Variants in COL24A1 observed in about 807,000 individuals in gnomAD.
COL24A1 encodes collagen type XXIV alpha 1 chain.
Under a neutral mutation model 253.9 loss-of-function variants are expected in COL24A1, and 224 were observed. The ratio of observed to expected loss-of-function variants is 0.88; its 90% CI spans 0.79 to 0.99. The LOEUF (loss-of-function observed/expected upper bound fraction) is 0.99, where lower values mean the gene tolerates loss of function less well. Ranked by LOEUF, COL24A1 falls within the 50% of genes least tolerant of loss-of-function variation. COL24A1 has a pLI of 0.00. For missense variants in COL24A1, 2,131 were observed against 2,068.5 expected, an observed-to-expected ratio of 1.03 and a Z score of -0.59; for synonymous variants, 685 against 673.7, an observed-to-expected ratio of 1.02 and a Z score of -0.26.
rs746423693 is a variant in COL24A1, at chr1:85,734,956, A to G, written c.4791T>C (p.Phe1597=). Residue 1597 remains phenylalanine, a synonymous_variant, in exon 59 of 60, where the codon TTT becomes TTC. Transcript: ENST00000370571. ...LPPVSVTKLE[F]GVGKVQMNFL... Reference sequence around the variant, plus strand: ...AGTTCATCTGGACTTTCCCAACTCCAAACTCCAACTAATGTCATAGAAATG... The same window carrying G: ...AGTTCATCTGGACTTTCCCAACTCCGAACTCCAACTAATGTCATAGAAATG... The G allele has an allele frequency of 1.7e-5, 28 of 1,614,008 alleles. No individual in the cohort carries two copies. In the East Asian group the frequency reaches 6.0e-4, roughly 35 times the overall value.
chr1:86,008,076 C>T (rs1323638306), intron 19 of COL24A1, among the ~76,000 whole-genome samples: 3 of 151,894 alleles, frequency 2.0e-5, no homozygotes, highest in African/African-American at 7.3e-5. Context: ...TTCAAGAATG[C>T]AAGTTGAGAC....
At chr1:86,005,786 C>CATGACATGTCA (rs1695895238) in intron 19 of COL24A1, among the ~76,000 whole-genome samples, 1 of 152,012 alleles carries the variant, frequency 6.6e-6, no homozygotes, top group Non-Finnish European at 1.5e-5. Flanking sequence ...GCCTTTGTCA[C>CATGACATGTCA]AGATGACATG....
chr1:86,048,124 A>G (rs924164547), intron 11 of COL24A1, among the ~76,000 whole-genome samples: 7 of 151,990 alleles, frequency 4.6e-5, no homozygotes, highest in Non-Finnish European at 1.0e-4. Context: ...TAGCCTCCCT[A>G]AATCTCATCA....
At chr1:86,057,609 T>G (rs1479175685) in intron 10 of COL24A1, among the ~76,000 whole-genome samples, 2 of 152,182 alleles carry the variant, frequency 1.3e-5, no homozygotes, top group African/African-American at 2.4e-5. Context: ...TCTTTACCTC[T>G]TCATATTTTT....
At chr1:85,783,623 A>G in intron 50 of COL24A1, 65 bp from the exon 51 acceptor site, 2 of 1,361,656 alleles carry the variant, frequency 1.5e-6, no homozygotes, top group African/African-American at 1.4e-5. Context: ...TTACAAAACT[A>G]TATAAATCTA....
chr1:86,058,187 A>G (rs1426085045), intron 9 of COL24A1, among the ~76,000 whole-genome samples: 2 of 152,104 alleles, frequency 1.3e-5, no homozygotes, highest in Non-Finnish European at 2.9e-5. Context: ...AATATATTTT[A>G]GATATATAAA....
chr1:85,795,178 G>A (rs1558153093), intron 47 of COL24A1, among the ~76,000 whole-genome samples: 1 of 152,168 alleles, frequency 6.6e-6, no homozygotes, highest in Non-Finnish European at 1.5e-5. Flanking sequence ...TTCCCTCTGG[G>A]AAAAGGAAGA....
intron 19 of COL24A1, among the ~76,000 whole-genome samples, chr1:86,014,300 T>C (rs1559008802): frequency 6.6e-6 from 1 of 152,232 alleles, no homozygotes; most frequent in Non-Finnish European, 1.5e-5. Context: ...AAATTTATTT[T>C]ACTGACTTTT....
chr1:85,791,288 G>C (rs1670247459), intron 47 of COL24A1, among the ~76,000 whole-genome samples: 1 of 152,050 alleles, frequency 6.6e-6, no homozygotes, highest in Non-Finnish European at 1.5e-5. Flanking sequence ...TGCTGAGATG[G>C]AAGAATTGTA....
At chr1:85,944,202 C>T (rs572449764) in intron 24 of COL24A1, among the ~76,000 whole-genome samples, 1 of 152,288 alleles carries the variant, frequency 6.6e-6, no homozygotes, top group South Asian at 2.1e-4. Context: ...CAGATGAGTG[C>T]AGTTATAAAG....
At chr1:85,985,102 C>G (rs1465590454) in intron 20 of COL24A1, among the ~76,000 whole-genome samples, 1 of 151,650 alleles carries the variant, frequency 6.6e-6, no homozygotes, top group Non-Finnish European at 1.5e-5. Flanking sequence ...ATAAGCACAT[C>G]AGAAGTTATA....
chr1:86,011,342 G>A (rs1330774320), intron 19 of COL24A1, among the ~76,000 whole-genome samples: 3 of 152,068 alleles, frequency 2.0e-5, no homozygotes, highest in Non-Finnish European at 2.9e-5. Context: ...TAATTACTCG[G>A]TGGAAATAAT....
At chr1:85,950,833 G>GA (rs1270272708) in intron 24 of COL24A1, among the ~76,000 whole-genome samples, 1 of 151,988 alleles carries the variant, frequency 6.6e-6, no homozygotes, top group Non-Finnish European at 1.5e-5. Context: ...TTGACTTGTA[G>GA]AAAAAAAAGT....
intron 39 of COL24A1, among the ~76,000 whole-genome samples, chr1:85,843,608 GAA>G (rs541945287): frequency 2.6e-5 from 4 of 152,190 alleles, no homozygotes; most frequent in African/African-American, 9.6e-5. Context: ...AATATGCAAA[GAA>G]AAAAATCATT....
rs773199435 is a variant in COL24A1 at position 85,744,772 on chromosome 1, G to A, written c.4566C>T (p.Asn1522=). The change falls in exon 57 of 60, where the codon AAC becomes AAT. Residue 1522 remains asparagine (N), a synonymous_variant. Transcript: ENST00000370571. ...DHSEEIFKTL[N]YLSNLLHSIK... ...TGCTGTGCAATAAATTGCTAAGGTA[G>A]TTCAGGGTTTTGAATATCTCTTCAC... 4 of 1,610,068 alleles carry A rather than the reference G, an allele frequency of 2.5e-6. No individual in the cohort carries two copies. Among genetic ancestry groups the A allele is most frequent in the Non-Finnish European group, 1.7e-6 (2 of 1,178,762 alleles).
Position 86,022,951 on chromosome 1 carries a change from T to C in COL24A1, c.2103+3A>G. On this transcript the variant is annotated splice_donor_region_variant and intron_variant, in intron 15 of 59. Transcript: ENST00000370571. ...AATATCCATTATACAAATAGAACCA[T>C]ACCATTGGGCCAGGAATTCCAGCAG... is the stretch of plus-strand genomic sequence containing the variant. 3.7e-6 allele frequency: 6 copies of C among 1,613,188 alleles called. No individual in the cohort carries two copies. Among genetic ancestry groups the C allele is most frequent in the Non-Finnish European group, 5.1e-6 (6 of 1,179,474 alleles).
chr1:85,898,049 G>A (rs1041812799), intron 28 of COL24A1, among the ~76,000 whole-genome samples: 4 of 152,158 alleles, frequency 2.6e-5, no homozygotes, highest in Non-Finnish European at 4.4e-5. Flanking sequence ...GAATAAAAAA[G>A]TAGTTTGTTT....
intron 53 of COL24A1, among the ~76,000 whole-genome samples, chr1:85,767,634 C>T (rs10493775): frequency 0.053 from 8,058 of 151,968 alleles, 308 homozygotes; most frequent in Middle Eastern, 0.083. Flanking sequence ...TTGTAATGTG[C>T]CAGTTAATCC....
chr1:86,040,651 G>T (rs1699410859), intron 12 of COL24A1, among the ~76,000 whole-genome samples: 1 of 151,708 alleles, frequency 6.6e-6, no homozygotes, highest in African/African-American at 2.4e-5. Flanking sequence ...CCAACCCTGT[G>T]GTGGGGTTAA....
Sources: gnomAD v4.1 joint callset for allele counts (sites outside exome capture counted in the v4.1 genomes callset) on GRCh38, gnomAD v4.1.1 for gene constraint, MANE v1.5 for transcripts, NCBI Gene and HGNC (gene_info 2026-07-23, HGNC 2026-07-21) for gene names.